The following KIF21B variants were observed in gnomAD, a reference collection of about 807,000 sequenced individuals.
The protein encoded by KIF21B is kinesin family member 21B, also known as kinesin-like protein KIF21B.
A neutral mutation model predicts 192.9 loss-of-function variants in KIF21B; 85 were observed. That is an observed-to-expected ratio of 0.44 (90% CI 0.37 to 0.53). The LOEUF (loss-of-function observed/expected upper bound fraction) is 0.53. Among genes scored for constraint, KIF21B ranks in the 20% least tolerant of loss-of-function variants. The pLI is 0.00. For synonymous variants in KIF21B, 832 were observed against 884.6 expected (o/e 0.94, Z 1.05); for missense variants, 1,716 against 2,194.8 (o/e 0.78, Z 4.36).
chr1:200,986,438 A>T (rs7539693), intron 26 of KIF21B, among the ~76,000 whole-genome samples: 1 of 151,202 alleles, frequency 6.6e-6, no homozygotes, highest in Non-Finnish European at 1.5e-5. Flanking sequence ...GCTCACTGCA[A>T]TCTCTGCCTC....
chr1:200,982,202 A>G lies in KIF21B; in HGVS notation c.3842+854T>C, dbSNP rs574391922. Among the ~76,000 whole-genome samples, 88 of 152,274 alleles carry G rather than the reference A, an allele frequency of 5.8e-4. No individual in the cohort carries two copies. In the South Asian group the frequency reaches 0.018, roughly 30 times the overall value. The stretch of plus-strand genomic sequence containing the variant: ...CTGCTTCTGACAATGGTTTGGCTTC[A>G]CTGCATGGCCACAGAACTATGTCAA... On this transcript the variant is annotated intron_variant, in intron 28 of 34. Coordinates refer to ENST00000461742, the MANE Select transcript of KIF21B (RefSeq NM_001252102.2). The surrounding 1 kb of genome is among the most constrained non-coding windows in gnomAD (Gnocchi z 4.7).
chr1:200,985,782 T>TCCCCC (rs1296303398), intron 26 of KIF21B, among the ~76,000 whole-genome samples: 11 of 45,102 alleles, frequency 2.4e-4, no homozygotes, highest in African/African-American at 3.6e-4. Context: ...CCCCTCCCCT[T>TCCCCC]CCCCCTCCCC....
rs188286357 is a variant in KIF21B at position 200,996,107 on chromosome 1, C to G, written c.2277+89G>C. The G allele has an allele frequency of 1.1e-3, 1,387 of 1,293,772 alleles. 11 individuals carry two copies. The highest frequency in any genetic ancestry group is 5.2e-5 in the Non-Finnish European group (47 of 896,998). The allele number at this position is 1,293,772 out of a possible 1,614,324, so 80.1% of individuals were successfully genotyped here. A position where few individuals can be genotyped will look rare whatever the true frequency, so the allele number is the denominator to read the frequency against. On this transcript the variant is annotated intron_variant, in intron 15 of 34. Coordinates refer to ENST00000461742, the MANE Select transcript of KIF21B (RefSeq NM_001252102.2). ...TGTTGAGAAGAGAATCCACACTTGA[C>G]AGCAATGATTATTTTTACGATGGTG... is the stretch of plus-strand genomic sequence containing the variant.
At chr1:200,991,605 G>C (rs1270649732) in intron 17 of KIF21B, 52 bp downstream of exon 17, 1 of 1,553,354 alleles carries the variant, frequency 6.4e-7, no homozygotes, top group Non-Finnish European at 8.9e-7. Flanking sequence ...ACACATGCAC[G>C]CACACATGTG....
intron 34 of KIF21B, chr1:200,974,227 G>A (rs1655393564): frequency 1.3e-6 from 2 of 1,519,210 alleles, no homozygotes; most frequent in African/African-American, 1.4e-5. Flanking sequence ...ACAGAGAGGA[G>A]AGGTGGGAGG....
At chr1:200,994,241 G>A (rs976582954) in intron 15 of KIF21B, among the ~76,000 whole-genome samples, 8 of 152,212 alleles carry the variant, frequency 5.3e-5, no homozygotes, top group African/African-American at 1.7e-4. Context: ...GCATCACTTC[G>A]CAGGTTTAAG....
chr1:200,995,313 G>A (rs1431844715), intron 15 of KIF21B, among the ~76,000 whole-genome samples: 1 of 152,212 alleles, frequency 6.6e-6, no homozygotes, highest in African/African-American at 2.4e-5. Context: ...GCTGCCACCA[G>A]TGCCCAGGGC....
In KIF21B at chr1:200,987,084, C is replaced by A; in HGVS notation, c.3526G>T (p.Glu1176Ter). Residue 1176 changes from glutamate (E) to a stop codon, truncating the protein, a stop_gained, in exon 25 of 35, where the codon GAG becomes TAG. Coordinates refer to ENST00000461742, the MANE Select transcript of KIF21B (RefSeq NM_001252102.2). LOFTEE classifies it high-confidence loss of function. ...CGGACAGAGAAGCCCACTCCGTCCT[C>A]TTTGATCTCAACGAGGGAGGCCAGG... Reference protein sequence around the residue: ...KSLASLVEIKEDGVGFSVRDP... With the variant: ...KSLASLVEIK The A allele has an allele frequency of 6.2e-7, 1 of 1,614,074 alleles. No individual in the cohort carries two copies.
intron 22 of KIF21B, 108 bp from the exon 23 acceptor site, chr1:200,988,652 G>C: frequency 6.9e-7 from 1 of 1,453,196 alleles, no homozygotes; most frequent in South Asian, 1.3e-5. Flanking sequence ...TCAGACCAGG[G>C]CTCCTGGTGG....
In KIF21B at chr1:200,990,980, C is replaced by T. The variant is rs371230464; in HGVS notation, c.2624G>A (p.Arg875His). 34 of 1,614,060 alleles carry T rather than the reference C, an allele frequency of 2.1e-5. No individual in the cohort carries two copies. The highest frequency in any genetic ancestry group is 1.2e-4 in the African/African-American group (9 of 74,934). ...SVSSIVRQWN[R>H]KINHFLGDHP... ...GTCCCCCAAGAAGTGGTTGATTTTG[C>T]GGTTCCACTGGCGCACGATGCTGGA... Residue 875 changes from arginine to histidine, a missense_variant, in exon 18 of 35, where the codon CGC becomes CAC. By Grantham distance (29) the Arg-to-His change is conservative. This residue lies in a region of KIF21B where 1,087 missense variants were observed against 1,316.6 expected (regional missense o/e 0.83). Coordinates refer to ENST00000461742, the MANE Select transcript of KIF21B (RefSeq NM_001252102.2). The surrounding 1 kb of genome is among the most constrained non-coding windows in gnomAD (Gnocchi z 5.4).
In KIF21B at chr1:200,973,138, A is replaced by G. The variant is rs138807283; in HGVS notation, c.*383T>C. 200 of 196,040 alleles carry G rather than the reference A, an allele frequency of 1.0e-3. 2 individuals carry two copies. Among genetic ancestry groups the G allele is most frequent in the Middle Eastern group, 3.6e-3 (2 of 548 alleles). 12.1% of individuals were successfully genotyped at this position (196,040 alleles called of 1,614,324 possible). ...GAAGCGGGGAGGCCAGCTCCTCGGAAGGGTGGGATGGGGCCAGGCTGCTGC... is the reference window on the plus strand; with the variant it reads ...GAAGCGGGGAGGCCAGCTCCTCGGAGGGGTGGGATGGGGCCAGGCTGCTGC... On this transcript the variant is annotated 3_prime_UTR_variant, in exon 35 of 35. Transcript: ENST00000461742.
At chr1:200,977,077 C>G (rs1379842992) in intron 31 of KIF21B, 135 bp downstream of exon 31, 1 of 1,127,924 alleles carries the variant, frequency 8.9e-7, no homozygotes, top group Non-Finnish European at 1.3e-6. Context: ...GGAGAGGGCA[C>G]AGGCCCAGCA....
At chr1:200,997,078 T>G (rs991489342) in intron 14 of KIF21B, among the ~76,000 whole-genome samples, 1 of 152,180 alleles carries the variant, frequency 6.6e-6, no homozygotes, top group African/African-American at 2.4e-5. Context: ...CCTGGGATCT[T>G]TAGAACAGTT....
chr1:200,973,638 T>C, intron 34 of KIF21B, 60 bp from the exon 35 acceptor site: 1 of 1,520,272 alleles, frequency 6.6e-7, no homozygotes. Context: ...CTTGGCTGGC[T>C]GCCCCCAAAA....
chr1:200,973,862 C>T (rs1394031713), intron 34 of KIF21B: 2 of 1,445,474 alleles, frequency 1.4e-6, no homozygotes, highest in Non-Finnish European at 1.8e-6. Flanking sequence ...CCTTCTGCTC[C>T]CTGGCACCCA....
Position 201,000,548 on chromosome 1 carries a change from G to A in KIF21B, c.1527C>T (p.Ala509=). The A allele has an allele frequency of 6.2e-7, 1 of 1,613,124 alleles. No individual in the cohort carries two copies. The highest frequency in any genetic ancestry group is 1.1e-5 in the South Asian group (1 of 91,084). The change falls in exon 11 of 35, where the codon GCC becomes GCT. Residue 509 remains alanine, a synonymous_variant. Coordinates refer to ENST00000461742, the MANE Select transcript of KIF21B (RefSeq NM_001252102.2). The surrounding 1 kb of genome is among the most constrained non-coding windows in gnomAD (Gnocchi z 6.0). The part of the protein sequence containing the change: ...NESLRRSLSR[A]SARSPYSLGA... ...CCAGGGAGTAGGGGCTCCTAGCCGA[G>A]GCCCGTGAGAGGCTGCGGCGCAGGG...
Position 201,005,615 on chromosome 1 carries a change from A to T in KIF21B, c.527T>A (p.Ile176Asn). The T allele has an allele frequency of 6.2e-7, 1 of 1,614,164 alleles. No individual in the cohort carries two copies. Among genetic ancestry groups the T allele is most frequent in the Non-Finnish European group, 8.5e-7 (1 of 1,180,014 alleles). ...DTRHRRSNIK[I>N]HEDANGGIYT... ...GATGCCACCGTTTGCGTCCTCGTGGATCTTGATGTTGGACCTGCGGTGGCG... is the reference window on the plus strand; with the variant it reads ...GATGCCACCGTTTGCGTCCTCGTGGTTCTTGATGTTGGACCTGCGGTGGCG... Residue 176 changes from isoleucine to asparagine, a missense_variant, in exon 4 of 35, where the codon ATC (isoleucine) becomes AAC (asparagine). This residue lies in a region of KIF21B where 1,087 missense variants were observed against 1,316.6 expected (regional missense o/e 0.83). Coordinates refer to ENST00000461742, the MANE Select transcript of KIF21B (RefSeq NM_001252102.2).
At chr1:200,996,726 A>C (rs1657092651) in intron 14 of KIF21B, among the ~76,000 whole-genome samples, 1 of 152,170 alleles carries the variant, frequency 6.6e-6, no homozygotes, top group African/African-American at 2.4e-5. Flanking sequence ...GTGTTGGAGG[A>C]AAGAGCTGGG....
intron 23 of KIF21B, 59 bp downstream of exon 23, chr1:200,988,434 C>A (rs1365629364): frequency 1.9e-6 from 3 of 1,609,412 alleles, no homozygotes; most frequent in Non-Finnish European, 2.6e-6. Context: ...GGCAACTCCT[C>A]CCACCAGCCC....
Sources: gnomAD v4.1 joint callset for allele counts (sites outside exome capture counted in the v4.1 genomes callset) on GRCh38, gnomAD v4.1.1 for gene constraint, gnomAD v4.1.1 regional missense constraint, Gnocchi (gnomAD v3.1) non-coding constraint, MANE v1.5 for transcripts, NCBI Gene and HGNC (gene_info 2026-07-23, HGNC 2026-07-21) for gene names.